The following ZNF678 variants were observed in gnomAD, a reference collection of about 807,000 sequenced individuals.
ZNF678 encodes the protein hypothetical protein MGC42493.
Under a neutral mutation model 3.0 loss-of-function variants are expected in ZNF678, and 5 were observed. The observed-to-expected ratio is 1.69, with a 90% CI of 0.88 to 3.56. The LOEUF is 3.56. Among genes scored for constraint, ZNF678 ranks in the 30% most tolerant of loss-of-function variants. The probability of loss-of-function intolerance (pLI) is 0.00; values close to 1 mark genes in which losing one functional copy is unlikely to be tolerated. For missense variants in ZNF678, 593 were observed against 605.0 expected (o/e 0.98, Z 0.21); for synonymous variants, 218 against 199.6 (o/e 1.09, Z -0.78).
intron 1 of ZNF678, among the ~76,000 whole-genome samples, chr1:227,635,617 A>G (rs1267410725): frequency 6.6e-6 from 1 of 151,060 alleles, no homozygotes; most frequent in Non-Finnish European, 1.5e-5. Flanking sequence ...GAGGCCTAAA[A>G]TGGCGTCAGC....
chr1:227,584,683 C>G (rs1356929086), intron 1 of ZNF678, among the ~76,000 whole-genome samples: 1 of 152,178 alleles, frequency 6.6e-6, no homozygotes, highest in Non-Finnish European at 1.5e-5. Flanking sequence ...ACTCTAAATA[C>G]AGACAGTATG....
intron 1 of ZNF678, among the ~76,000 whole-genome samples, chr1:227,569,858 T>C (rs1656790493): frequency 6.6e-6 from 1 of 152,224 alleles, no homozygotes; most frequent in Non-Finnish European, 1.5e-5. Flanking sequence ...AATATAGACT[T>C]GCATTGGTGT....
intron 1 of ZNF678, among the ~76,000 whole-genome samples, chr1:227,609,412 C>T (rs114042122): frequency 8.7e-4 from 132 of 152,266 alleles, no homozygotes; most frequent in Admixed American, 2.5e-3. Flanking sequence ...TACAGAGGAA[C>T]GATGAAATAG....
Position 227,651,005 on chromosome 1 carries a change from C to A in ZNF678, c.14C>A (p.Ser5Ter), listed in dbSNP as rs376960853. MGTI[S>*]LCIGVCAFEG... is the part of the protein sequence containing the mutation. ...GAAGCATTGATAATGGGCACAATATCACTTTGCATTGGTGTCTGTGCATTT... is the reference window on the plus strand; with the variant it reads ...GAAGCATTGATAATGGGCACAATATAACTTTGCATTGGTGTCTGTGCATTT... Residue 5 changes from serine to a stop codon, truncating the protein, a stop_gained, in exon 3 of 4, where the codon TCA becomes TAA. Coordinates refer to ENST00000343776, the MANE Select transcript of ZNF678 (RefSeq NM_001367909.1). LOFTEE classifies it high-confidence loss of function. 11 of 1,612,890 alleles carry A rather than the reference C, an allele frequency of 6.8e-6. No homozygotes were observed. In the African/African-American group the frequency reaches 1.3e-4, roughly 20 times the overall value.
In ZNF678 at chr1:227,662,126, T is replaced by C. The variant is rs1179298769; in HGVS notation, c.*6298T>C. 6.6e-6 allele frequency: 1 copy of C among 152,228 alleles called. No homozygotes were observed. The allele number at this position is 152,228 out of a possible 1,614,324, so 9.4% of individuals were successfully genotyped here. A position where few individuals can be genotyped will look rare whatever the true frequency, so the allele number is the denominator to read the frequency against. Reference sequence around the variant, plus strand: ...GGTTGGGGATTGATTCAAACATTAATACTTTCAAGCGTTTCTATGGTATTT... The same window carrying C: ...GGTTGGGGATTGATTCAAACATTAACACTTTCAAGCGTTTCTATGGTATTT... On this transcript the variant is annotated 3_prime_UTR_variant, in exon 4 of 4. Transcript: ENST00000343776.
intron 1 of ZNF678, among the ~76,000 whole-genome samples, chr1:227,626,615 G>T (rs1327442805): frequency 2.0e-5 from 3 of 152,132 alleles, no homozygotes; most frequent in Non-Finnish European, 4.4e-5. Flanking sequence ...ACAGCATTTC[G>T]TATGGGCTGA....
intron 5 of ZNF678, among the ~76,000 whole-genome samples, chr1:227,674,911 C>T (rs1328403560): frequency 1.3e-5 from 2 of 152,164 alleles, no homozygotes; most frequent in Admixed American, 1.3e-4. Flanking sequence ...TTTCTATCTA[C>T]AATTGAAATT....
At chr1:227,668,836 G>A (rs1281745383) in intron 5 of ZNF678, among the ~76,000 whole-genome samples, 2 of 152,108 alleles carry the variant, frequency 1.3e-5, no homozygotes, top group East Asian at 3.8e-4. Flanking sequence ...TTCATTGCTT[G>A]TTTTTGTCAG....
Position 227,655,676 on chromosome 1 carries a change from C to T in ZNF678, c.1426C>T (p.Leu476Phe), listed in dbSNP as rs527604225. The T allele has an allele frequency of 1.2e-6, 2 of 1,612,688 alleles. No individual in the cohort carries two copies. Among genetic ancestry groups the T allele is most frequent in the East Asian group, 2.2e-5 (1 of 44,806 alleles). Residue 476 changes from leucine (L) to phenylalanine (F), a missense_variant, in exon 4 of 4, where the codon CTT (leucine) becomes TTT (phenylalanine). Coordinates refer to ENST00000343776, the MANE Select transcript of ZNF678 (RefSeq NM_001367909.1). ...CAAAGCCTTTAACCAGTTCTCAAGC[C>T]TTACTCGTCATAAAAGAATTCATAC... ...CGKAFNQFSS[L>F]TRHKRIHTGE... is the part of the protein sequence containing the mutation.
At position 227,593,788 on chromosome 1, in the gene ZNF678, C is replaced by T. The variant is rs574385891; in HGVS notation, c.-164+30064C>T. 2.0e-5 allele frequency among the ~76,000 whole-genome samples: 3 copies of T among 151,430 alleles called. No individual in the cohort carries two copies. The South Asian group carries it at 6.3e-4, about 32-fold the overall frequency. ...TTTTTCTTAGCTTTGGTAGGGTTTT[C>T]CCCTGGGACCATGGCCCACAACTCT... On this transcript the variant is annotated intron_variant, in intron 1 of 3. Transcript: ENST00000343776.
chr1:227,642,525 A>G (rs1350800806), intron 1 of ZNF678, among the ~76,000 whole-genome samples: 2 of 152,112 alleles, frequency 1.3e-5, no homozygotes, highest in African/African-American at 2.4e-5. Context: ...CTCTTACCCA[A>G]GAGTTAGCTG....
At chr1:227,610,422 T>C (rs1343414492) in intron 1 of ZNF678, among the ~76,000 whole-genome samples, 1 of 152,202 alleles carries the variant, frequency 6.6e-6, no homozygotes, top group Non-Finnish European at 1.5e-5. Context: ...AATCCGGAAG[T>C]GTGTGCCCTA....
At chr1:227,582,465 G>A in intron 1 of ZNF678, 3 of 160,760 alleles carry the variant, frequency 1.9e-5, no homozygotes, top group South Asian at 1.5e-4. Flanking sequence ...AGGACCACAG[G>A]GGCATGCCAC....
chr1:227,678,097 G>A (rs1659713766), downstream of ZNF678, among the ~76,000 whole-genome samples: 1 of 152,094 alleles, frequency 6.6e-6, no homozygotes, highest in Non-Finnish European at 1.5e-5. Context: ...AAACACTTTA[G>A]TCCACCAAAT....
chr1:227,664,547 A>C (rs766983398), downstream of ZNF678, among the ~76,000 whole-genome samples: 1 of 152,274 alleles, frequency 6.6e-6, no homozygotes, highest in South Asian at 2.1e-4. Context: ...GGCCAGAGGC[A>C]TCAGTGGTGA....
chr1:227,592,623 A>T (rs185802969), intron 1 of ZNF678, among the ~76,000 whole-genome samples: 1 of 152,260 alleles, frequency 6.6e-6, no homozygotes, highest in Non-Finnish European at 1.5e-5. Flanking sequence ...CATTTTTATT[A>T]ACTGTCACCC....
intron 1 of ZNF678, among the ~76,000 whole-genome samples, chr1:227,595,819 C>T (rs925878537): frequency 5.9e-5 from 9 of 152,096 alleles, no homozygotes; most frequent in Admixed American, 1.3e-4. Flanking sequence ...ACAGGCACAC[C>T]GTGGGTGATC....
At chr1:227,582,875 A>G (rs1433685740) in intron 1 of ZNF678, among the ~76,000 whole-genome samples, 1 of 152,154 alleles carries the variant, frequency 6.6e-6, no homozygotes. Context: ...TTTGTCATTA[A>G]TAAGTTGGTC....
intron 3 of ZNF678, 102 bp downstream of exon 3, chr1:227,651,178 A>T (rs897436454): frequency 1.5e-6 from 2 of 1,312,390 alleles, no homozygotes; most frequent in Non-Finnish European, 2.1e-6. Flanking sequence ...GGCAGGGTCC[A>T]CAATGGGGTC....
Sources: gnomAD v4.1 joint callset for allele counts (sites outside exome capture counted in the v4.1 genomes callset) on GRCh38, gnomAD v4.1.1 for gene constraint, MANE v1.5 for transcripts, NCBI Gene and HGNC (gene_info 2026-07-23, HGNC 2026-07-21) for gene names.